The following PPP2R5E variants were observed in gnomAD, a reference collection of about 807,000 sequenced individuals.
PPP2R5E encodes the protein serine/threonine-protein phosphatase 2A 56 kDa regulatory subunit epsilon isoform.
PPP2R5E carries 4 observed loss-of-function variants against 65.3 expected under a neutral mutation model. The ratio of observed to expected loss-of-function variants is 0.06; its 90% CI spans 0.03 to 0.14. PPP2R5E has a LOEUF of 0.14. Ranked by LOEUF, PPP2R5E falls within the 10% of genes least tolerant of loss-of-function variation. PPP2R5E has a pLI of 1.00. For missense variants in PPP2R5E, 274 were observed against 556.1 expected, an observed-to-expected ratio of 0.49 and a Z score of 5.10; for synonymous variants, 183 against 187.4, an observed-to-expected ratio of 0.98 and a Z score of 0.19.
chr14:63,490,400 A>T (rs574124330), intron 2 of PPP2R5E, among the ~76,000 whole-genome samples: 27 of 152,270 alleles, frequency 1.8e-4, no homozygotes, highest in African/African-American at 6.3e-4. Context: ...AACCTAATTA[A>T]ACTAAAGCAC....
Position 63,499,681 on chromosome 14 carries a change from C to A in PPP2R5E, c.157+39848G>T, listed in dbSNP as rs925550900. 4.6e-5 allele frequency among the ~76,000 whole-genome samples: 7 copies of A among 151,416 alleles called. No homozygotes were observed. In the South Asian group the frequency reaches 1.5e-3, roughly 32 times the overall value. On this transcript the variant is annotated intron_variant, in intron 2 of 13. Coordinates refer to ENST00000337537, the MANE Select transcript of PPP2R5E (RefSeq NM_006246.5). ...GGCAGAGGTTGTACTGAGCTGAGAT[C>A]GCACCACTGCACTCCAGCCTGGAAG...
intron 3 of PPP2R5E, among the ~76,000 whole-genome samples, chr14:63,435,797 A>G (rs1186016979): frequency 5.3e-5 from 8 of 152,222 alleles, no homozygotes; most frequent in Admixed American, 1.3e-4. Context: ...TGAAATGGTG[A>G]CAGCAATGTT....
intron 3 of PPP2R5E, among the ~76,000 whole-genome samples, chr14:63,449,642 G>C (rs1276135203): frequency 3.3e-5 from 5 of 152,060 alleles, no homozygotes; most frequent in African/African-American, 1.2e-4. Flanking sequence ...TGAGTACCCT[G>C]ATATGCAAAC....
chr14:63,520,181 G>A (rs1345048372), intron 2 of PPP2R5E, among the ~76,000 whole-genome samples: 5 of 151,770 alleles, frequency 3.3e-5, no homozygotes, highest in African/African-American at 4.8e-5. Flanking sequence ...GACTACTGGC[G>A]CCCGCCACCA....
chr14:63,477,608 A>G (rs1377069284), intron 2 of PPP2R5E, among the ~76,000 whole-genome samples: 5 of 152,138 alleles, frequency 3.3e-5, no homozygotes, highest in African/African-American at 4.8e-5. Context: ...CAAATTAGAT[A>G]TATTGCCTAT....
intron 2 of PPP2R5E, among the ~76,000 whole-genome samples, chr14:63,485,825 CTTTT>C (rs770156529): frequency 9.2e-5 from 12 of 130,628 alleles, no homozygotes; most frequent in Admixed American, 5.5e-4. Flanking sequence ...TACTGACAAA[CTTTT>C]TTTTTTTTTT....
intron 13 of PPP2R5E, among the ~76,000 whole-genome samples, chr14:63,376,815 A>G (rs1369700687): frequency 6.6e-6 from 1 of 152,250 alleles, no homozygotes; most frequent in East Asian, 1.9e-4. Context: ...ATTCACATTT[A>G]CTAAAAATAA....
intron 3 of PPP2R5E, among the ~76,000 whole-genome samples, chr14:63,432,095 C>A: frequency 6.6e-6 from 1 of 150,730 alleles, no homozygotes. Flanking sequence ...TTAAATATAG[C>A]CAATATTCAA....
chr14:63,468,063 A>G (rs1889926494), intron 2 of PPP2R5E, among the ~76,000 whole-genome samples: 1 of 152,256 alleles, frequency 6.6e-6, no homozygotes, highest in South Asian at 2.1e-4. Context: ...AGTATCTGGG[A>G]CACATTTGGT....
chr14:63,443,982 G>A (rs1210241573), intron 3 of PPP2R5E, among the ~76,000 whole-genome samples: 13 of 152,032 alleles, frequency 8.6e-5, no homozygotes, highest in Non-Finnish European at 1.5e-5. Flanking sequence ...ATTCCTCTCT[G>A]CCTTCAATCT....
At chr14:63,418,908 G>A (rs142364948) in intron 4 of PPP2R5E, among the ~76,000 whole-genome samples, 1,790 of 146,614 alleles carry the variant, frequency 0.012, 38 homozygotes, top group African/African-American at 0.042. Flanking sequence ...GTGCAGTGGC[G>A]CAATCTTGGC....
chr14:63,455,556 C>T (rs1422149841), intron 2 of PPP2R5E, among the ~76,000 whole-genome samples: 3 of 152,086 alleles, frequency 2.0e-5, no homozygotes, highest in African/African-American at 7.2e-5. Flanking sequence ...CCTATGCCCC[C>T]CTGGATTTAA....
chr14:63,494,006 T>C (rs1176621484), intron 2 of PPP2R5E, among the ~76,000 whole-genome samples: 2 of 152,126 alleles, frequency 1.3e-5, no homozygotes, highest in Non-Finnish European at 2.9e-5. Flanking sequence ...TCTAAAGCAA[T>C]TTAGCAGCAC....
chr14:63,520,060 G>C (rs923384185), intron 2 of PPP2R5E, among the ~76,000 whole-genome samples: 10 of 150,062 alleles, frequency 6.7e-5, no homozygotes, highest in South Asian at 2.1e-4. Context: ...TTTTGAAACG[G>C]AGTCTCGCTC....
chr14:63,521,391 G>A (rs149503651), intron 2 of PPP2R5E, among the ~76,000 whole-genome samples: 121 of 152,090 alleles, frequency 8.0e-4, no homozygotes, highest in African/African-American at 2.7e-3. Context: ...TTAGTTGGCC[G>A]GGCGCAGTGG....
intron 3 of PPP2R5E, among the ~76,000 whole-genome samples, chr14:63,441,712 C>A (rs1411538664): frequency 6.6e-6 from 1 of 152,080 alleles, no homozygotes; most frequent in East Asian, 1.9e-4. Flanking sequence ...GAGATTGAGA[C>A]CATCCTGGCT....
intron 3 of PPP2R5E, among the ~76,000 whole-genome samples, chr14:63,428,711 C>T (rs1887470520): frequency 6.6e-6 from 1 of 152,186 alleles, no homozygotes; most frequent in Admixed American, 6.5e-5. Flanking sequence ...TTTCCAAGTT[C>T]ATGACCTCAT....
At chr14:63,463,876 G>A (rs950277781) in intron 2 of PPP2R5E, among the ~76,000 whole-genome samples, 3 of 152,100 alleles carry the variant, frequency 2.0e-5, no homozygotes, top group Admixed American at 1.3e-4. Context: ...GATTACAGGC[G>A]TGAGCCATCG....
At position 63,539,744 on chromosome 14, in the gene PPP2R5E, C is replaced by T; in HGVS notation, c.-7-52G>A. 6 of 1,506,846 alleles carry T rather than the reference C, an allele frequency of 4.0e-6. No individual in the cohort carries two copies. In the Admixed American group the frequency reaches 7.6e-5, roughly 19 times the overall value. The allele number at this position is 1,506,846 out of a possible 1,614,324, so 93.3% of individuals were successfully genotyped here. A position where few individuals can be genotyped will look rare whatever the true frequency, so the allele number is the denominator to read the frequency against. On this transcript the variant is annotated intron_variant, in intron 1 of 13. Transcript: ENST00000337537. ...CATACATTCCCAAGGTGGAAGCATA[C>T]ATGTGAGTTATACAAATTCTAAAAT...
Sources: allele counts gnomAD v4.1 joint callset (sites outside exome capture counted in the v4.1 genomes callset), GRCh38; gene constraint gnomAD v4.1.1; transcripts MANE v1.5; gene names NCBI Gene and HGNC (gene_info 2026-07-23, HGNC 2026-07-21).